The following WDR33 variants were observed in gnomAD, a reference collection of about 807,000 sequenced individuals.
WDR33 encodes the protein pre-mRNA 3' end processing protein WDR33.
A neutral mutation model predicts 164.9 loss-of-function variants in WDR33; 47 were observed. The observed-to-expected ratio is 0.29, with a 90% confidence interval of 0.23 to 0.36. WDR33 has a LOEUF of 0.36. Ranked by LOEUF, WDR33 falls within the 10% of genes least tolerant of loss-of-function variation. WDR33 has a pLI of 1.00. For missense variants in WDR33, 1,137 were observed against 1,754.1 expected (o/e 0.65, Z 6.28); for synonymous variants, 505 against 589.0 (o/e 0.86, Z 2.06).
At chr2:127,761,877 G>A (rs375899374) in intron 7 of WDR33, among the ~76,000 whole-genome samples, 1 of 152,128 alleles carries the variant, frequency 6.6e-6, no homozygotes, top group Non-Finnish European at 1.5e-5. Context: ...ACAGTACTGT[G>A]GATAAACCCA....
Position 127,735,978 on chromosome 2 carries a change from T to C in WDR33, c.725-9201A>G. 1 of 985,472 alleles carries C rather than the reference T, an allele frequency of 1.0e-6. No individual in the cohort carries two copies. The allele number at this position is 985,472 out of a possible 1,614,324, so 61.0% of individuals were successfully genotyped here. ...AAGGGGGTATGCCTAGGCAGGGCAGTGTTTTCACAATGTATGTTCCAACAA... is the reference window on the plus strand; with the variant it reads ...AAGGGGGTATGCCTAGGCAGGGCAGCGTTTTCACAATGTATGTTCCAACAA... On this transcript the variant is annotated intron_variant, in intron 7 of 21. Coordinates refer to ENST00000322313, the MANE Select transcript of WDR33 (RefSeq NM_018383.5). This position sits in a 1 kb window ranked among gnomAD's most constrained non-coding sequence, Gnocchi z 4.3.
chr2:127,765,653 T>A (rs985532653), intron 4 of WDR33, among the ~76,000 whole-genome samples: 3 of 152,036 alleles, frequency 2.0e-5, no homozygotes, highest in African/African-American at 7.2e-5. Context: ...AAAGACTGAA[T>A]AAAGGATATG....
chr2:127,795,942 G>A (rs1399234280), intron 1 of WDR33, among the ~76,000 whole-genome samples: 1 of 151,866 alleles, frequency 6.6e-6, no homozygotes, highest in East Asian at 1.9e-4. Flanking sequence ...CAACCTTGAT[G>A]GAATGTTAGT....
intron 7 of WDR33, among the ~76,000 whole-genome samples, chr2:127,742,869 A>AC (rs960368390): frequency 4.6e-5 from 7 of 151,012 alleles, no homozygotes; most frequent in African/African-American, 1.5e-4. Context: ...TTAAAAAAAA[A>AC]AAAACAAAAA....
intron 4 of WDR33, among the ~76,000 whole-genome samples, chr2:127,766,195 A>G (rs946286740): frequency 2.6e-5 from 4 of 152,204 alleles, no homozygotes; most frequent in African/African-American, 9.7e-5. Context: ...GATGGATCAC[A>G]CACTCATTTT....
In WDR33 at chr2:127,718,325, C is replaced by T; in HGVS notation, c.2760+940G>A. Among the ~76,000 whole-genome samples the T allele has an allele frequency of 6.6e-6, 1 of 152,068 alleles. No individual in the cohort carries two copies. Among genetic ancestry groups the T allele is most frequent in the East Asian group, 1.9e-4 (1 of 5,188 alleles). ...AAGTGTCTCAGGGAGTCAACATTAG[C>T]TGACTCGCTCACTTTTGGTCCACAC... On this transcript the variant is annotated intron_variant, in intron 16 of 21. Transcript: ENST00000322313. This position sits in a 1 kb window ranked among gnomAD's most constrained non-coding sequence, Gnocchi z 4.4.
intron 7 of WDR33, among the ~76,000 whole-genome samples, chr2:127,748,899 A>T (rs925634146): frequency 1.3e-5 from 2 of 151,806 alleles, no homozygotes; most frequent in Non-Finnish European, 2.9e-5. Context: ...AAAAAAAAAA[A>T]AAAAAAAGTG....
In WDR33 at chr2:127,723,043, A is replaced by T. The variant is rs772505011; in HGVS notation, c.1293T>A (p.Asp431Glu). 1 of 1,606,216 alleles carries T rather than the reference A, an allele frequency of 6.2e-7. No individual in the cohort carries two copies. Among genetic ancestry groups the T allele is most frequent in the Non-Finnish European group, 8.5e-7 (1 of 1,177,430 alleles). Residue 431 changes from aspartate to glutamate, a missense_variant and splice_region_variant, in exon 13 of 22, where the codon GAT becomes GAA. Coordinates refer to ENST00000322313, the MANE Select transcript of WDR33 (RefSeq NM_018383.5). This position sits in a 1 kb window ranked among gnomAD's most constrained non-coding sequence, Gnocchi z 5.9. The part of the protein sequence containing the change: ...PGMSEDGVEY[D>E]DLEPNSLAVI... ...CTGCCAGGCTATTAGGTTCGAGGTC[A>T]TCTATAAATAGTAATACACCATTGT...
chr2:127,795,731 G>A (rs1317108605), intron 1 of WDR33, among the ~76,000 whole-genome samples: 1 of 151,448 alleles, frequency 6.6e-6, no homozygotes, highest in Non-Finnish European at 1.5e-5. Flanking sequence ...TACTCAGGAG[G>A]CTGAGATGGA....
chr2:127,767,850 T>C (rs1398442853), intron 4 of WDR33, among the ~76,000 whole-genome samples: 2 of 152,364 alleles, frequency 1.3e-5, no homozygotes, highest in East Asian at 1.9e-4. Flanking sequence ...AACTCCTAAG[T>C]ATTTTTCATT....
chr2:127,707,243 A>AAG (rs1216312719), intron 21 of WDR33, among the ~76,000 whole-genome samples: 1 of 151,520 alleles, frequency 6.6e-6, no homozygotes. Flanking sequence ...AAAAAAAAAA[A>AAG]AAGAAAAAAA....
chr2:127,787,530 C>G, intron 1 of WDR33, among the ~76,000 whole-genome samples: 1 of 122,590 alleles, frequency 8.2e-6, no homozygotes, highest in Admixed American at 7.5e-5. Flanking sequence ...GCTGGCCGGT[C>G]GGGGGGCTGA....
Position 127,726,083 on chromosome 2 carries a change from A to T in WDR33, c.851+568T>A, listed in dbSNP as rs1292330167. 6.6e-6 allele frequency among the ~76,000 whole-genome samples: 1 copy of T among 152,274 alleles called. No individual in the cohort carries two copies. Among genetic ancestry groups the T allele is most frequent in the South Asian group, 2.1e-4 (1 of 4,832 alleles). On this transcript the variant is annotated intron_variant, in intron 8 of 21. Coordinates refer to ENST00000322313, the MANE Select transcript of WDR33 (RefSeq NM_018383.5). The surrounding 1 kb of genome is among the most constrained non-coding windows in gnomAD (Gnocchi z 4.8). ...CCTTGCTCCAACCAATTCACTCTGA[A>T]TATGGTTCTCTTCCCAATCAGAAAG...
intron 1 of WDR33, among the ~76,000 whole-genome samples, chr2:127,781,650 A>G (rs1027274532): frequency 6.6e-6 from 1 of 152,166 alleles, no homozygotes; most frequent in Non-Finnish European, 1.5e-5. Flanking sequence ...TTATCTCAAT[A>G]AAAATTTCTA....
At chr2:127,784,745 T>C (rs1334819388) in intron 1 of WDR33, among the ~76,000 whole-genome samples, 1 of 152,200 alleles carries the variant, frequency 6.6e-6, no homozygotes, top group Non-Finnish European at 1.5e-5. Context: ...TGTCCTGCAA[T>C]TTGAATGGAA....
intron 1 of WDR33, among the ~76,000 whole-genome samples, chr2:127,805,068 C>CTTTTTTTTTTTTTTTTTTTTTTTTTT (rs201681607): frequency 1.2e-5 from 1 of 84,380 alleles, no homozygotes; most frequent in African/African-American, 5.0e-5. Flanking sequence ...GAAGTTTTTT[C>CTTTTTTTTTTTTTTTTTTTTTTTTTT]TTTTTTTTTT....
rs2105380333 is a variant in WDR33, at chr2:127,719,699, G to A, written c.2326C>T (p.Leu776=). 6.2e-7 allele frequency: 1 copy of A among 1,613,750 alleles called. No homozygotes were observed. Among genetic ancestry groups the A allele is most frequent in the Non-Finnish European group, 8.5e-7 (1 of 1,179,918 alleles). ...GIQGPVSQGP[L]MGLNPRGMQG... The stretch of plus-strand genomic sequence containing the variant: ...ATTCCTCTTGGATTCAATCCCATCA[G>A]AGGTCCCTGAGACACAGGACCTTGG... Residue 776 remains leucine (L), a synonymous_variant, in exon 16 of 22, where the codon CTG becomes TTG. Coordinates refer to ENST00000322313, the MANE Select transcript of WDR33 (RefSeq NM_018383.5). This position sits in a 1 kb window ranked among gnomAD's most constrained non-coding sequence, Gnocchi z 6.5.
chr2:127,754,700 G>T (rs1687472817), intron 7 of WDR33, among the ~76,000 whole-genome samples: 1 of 150,986 alleles, frequency 6.6e-6, no homozygotes. Flanking sequence ...TGGGATTACA[G>T]GTGTGAGCTA....
chr2:127,722,446 A>G lies in WDR33; in HGVS notation c.1518+145T>C. On this transcript the variant is annotated intron_variant, in intron 14 of 21. Coordinates refer to ENST00000322313, the MANE Select transcript of WDR33 (RefSeq NM_018383.5). This position sits in a 1 kb window ranked among gnomAD's most constrained non-coding sequence, Gnocchi z 5.1. ...ACTCAATACAACTGCAAAGCAGTAG[A>G]TGAGAACCATGTCTAAGAGTACGTG... 1 of 1,141,708 alleles carries G rather than the reference A, an allele frequency of 8.8e-7. No individual in the cohort carries two copies. Among genetic ancestry groups the G allele is most frequent in the Non-Finnish European group, 1.2e-6 (1 of 808,696 alleles). 70.7% of individuals were successfully genotyped at this position (1,141,708 alleles called of 1,614,324 possible). A position where few individuals can be genotyped will look rare whatever the true frequency, so the allele number is the denominator to read the frequency against.
Sources: allele counts gnomAD v4.1 joint callset (sites outside exome capture counted in the v4.1 genomes callset), GRCh38; gene constraint gnomAD v4.1.1; non-coding constraint Gnocchi (gnomAD v3.1); transcripts MANE v1.5; gene names NCBI Gene and HGNC (gene_info 2026-07-23, HGNC 2026-07-21).